Variants in DDIAS observed in about 807,000 individuals in gnomAD.
DDIAS encodes DNA damage-induced apoptosis suppressor protein.
In DDIAS, 14 loss-of-function variants were observed where a neutral mutation model predicts 15.7. The ratio of observed to expected loss-of-function variants is 0.89; its 90% CI spans 0.59 to 1.39. The LOEUF is 1.39. Ranked by LOEUF, DDIAS falls within the 40% of genes most tolerant of loss-of-function variation. The pLI is 0.00. For missense variants in DDIAS, 1,035 were observed against 1,130.9 expected, an observed-to-expected ratio of 0.92 and a Z score of 1.22; for synonymous variants, 355 against 395.9, an observed-to-expected ratio of 0.90 and a Z score of 1.23.
rs71063242 is a variant in DDIAS, at chr11:82,926,088, AT to A, written c.114-2672del. 3.8e-3 allele frequency among the ~76,000 whole-genome samples: 504 copies of A among 133,910 alleles called. 5 individuals are homozygous for A. Among genetic ancestry groups the A allele is most frequent in the South Asian group, 0.032 (140 of 4,348 alleles). 87.9% of individuals were successfully genotyped at this position (133,910 alleles called of 152,430 possible). A position where few individuals can be genotyped will look rare whatever the true frequency, so the allele number is the denominator to read the frequency against. On this transcript the variant is annotated intron_variant, in intron 3 of 5. Transcript: ENST00000533655. ...GAATATATTCAATCTTTGGCAAGTA[AT>A]TTTTTTTTTTTTTTTTGAGACAGGG...
Position 82,933,184 on chromosome 11 carries a change from A to C in DDIAS, c.1846A>C (p.Arg616=), listed in dbSNP as rs771787322. Residue 616 remains arginine (R), a synonymous_variant, in exon 6 of 6, where the codon AGG becomes CGG. Coordinates refer to ENST00000533655, the MANE Select transcript of DDIAS (RefSeq NM_145018.4). ...CAAATTAGAAAATAAACAATATTGT[A>C]GGTGGTCCAAGAACCAAGATGACAG... ...LCKLENKQYC[R]WSKNQDDSFT... is the part of the protein sequence containing the mutation. 1.2e-6 allele frequency: 2 copies of C among 1,612,502 alleles called. No homozygotes were observed. The highest frequency in any genetic ancestry group is 1.7e-6 in the Non-Finnish European group (2 of 1,179,858).
intron 5 of DDIAS, among the ~76,000 whole-genome samples, chr11:82,930,993 C>T (rs1860972389): frequency 6.6e-6 from 1 of 152,014 alleles, no homozygotes; most frequent in African/African-American, 2.4e-5. Context: ...TTTTTCCCCT[C>T]CCCTCCCCTC....
At chr11:82,917,060 G>A (rs952502525) in intron 3 of DDIAS, among the ~76,000 whole-genome samples, 2 of 152,164 alleles carry the variant, frequency 1.3e-5, no homozygotes, top group African/African-American at 4.8e-5. Flanking sequence ...CTTGCCTATG[G>A]AAACATAGTC....
chr11:82,923,052 G>A (rs1200409108), intron 3 of DDIAS, among the ~76,000 whole-genome samples: 1 of 152,128 alleles, frequency 6.6e-6, no homozygotes, highest in Non-Finnish European at 1.5e-5. Flanking sequence ...TCGTTTATGG[G>A]TGTCTCGGCC....
intron 4 of DDIAS, 43 bp downstream of exon 4, chr11:82,928,981 A>G: frequency 6.4e-7 from 1 of 1,573,008 alleles, no homozygotes; most frequent in South Asian, 1.2e-5. Flanking sequence ...TGCCCTTAGA[A>G]TTTGAAGATA....
chr11:82,926,731 A>T (rs11233379), intron 3 of DDIAS, among the ~76,000 whole-genome samples: 1 of 152,300 alleles, frequency 6.6e-6, no homozygotes, highest in Middle Eastern at 3.4e-3. Context: ...GATGATTTGT[A>T]TACATATTAA....
At chr11:82,911,936 G>A (rs546704439) in intron 1 of DDIAS, among the ~76,000 whole-genome samples, 16 of 152,316 alleles carry the variant, frequency 1.1e-4, no homozygotes, top group East Asian at 3.9e-4. Flanking sequence ...GACCAGGTGC[G>A]TTGTCAATGA....
rs1032861701 is a variant in DDIAS at position 82,907,481 on chromosome 11, C to T, written c.-117+5659C>T. On this transcript the variant is annotated intron_variant, in intron 1 of 5. Coordinates refer to ENST00000533655, the MANE Select transcript of DDIAS (RefSeq NM_145018.4). ...GAAGAAAATTCTGGTTATCGTATGG[C>T]GTCTGCCTACTCTGTTGTAAAAATT... Among the ~76,000 whole-genome samples, 18 of 152,296 alleles carry T rather than the reference C, an allele frequency of 1.2e-4. No homozygotes were observed. The South Asian group carries it at 2.7e-3, about 23-fold the overall frequency.
intron 3 of DDIAS, among the ~76,000 whole-genome samples, chr11:82,915,706 G>A (rs549605467): frequency 6.6e-6 from 1 of 151,074 alleles, no homozygotes; most frequent in South Asian, 2.1e-4. Context: ...TTAGTTCATA[G>A]AAAGTGTTCA....
At chr11:82,909,229 TAA>T (rs1860481758) in intron 1 of DDIAS, 1 of 152,208 alleles carries the variant, frequency 6.6e-6, no homozygotes, top group Non-Finnish European at 1.5e-5. Flanking sequence ...CCATATAGGG[TAA>T]CTTCCTGACG....
At position 82,932,603 on chromosome 11, in the gene DDIAS, T is replaced by C. The variant is rs368153592; in HGVS notation, c.1265T>C (p.Leu422Pro). The C allele has an allele frequency of 1.9e-6, 3 of 1,614,076 alleles. No homozygotes were observed. Among genetic ancestry groups the C allele is most frequent in the African/African-American group, 2.7e-5 (2 of 74,924 alleles). ...IWDDLPFSESLNKFLAVLESE... is the reference protein window; with the variant it reads ...IWDDLPFSESPNKFLAVLESE... The stretch of plus-strand genomic sequence containing the variant: ...GATGATCTGCCATTCTCTGAAAGCC[T>C]GAACAAGTTTCTGGCAGTTCTTGAA... The change falls in exon 6 of 6, where the codon CTG (leucine) becomes CCG (proline). Residue 422 changes from leucine (L) to proline (P), a missense_variant. Coordinates refer to ENST00000533655, the MANE Select transcript of DDIAS (RefSeq NM_145018.4).
rs1415985409 is a variant in DDIAS, at chr11:82,933,308, T to C, written c.1970T>C (p.Ile657Thr). The C allele has an allele frequency of 6.2e-7, 1 of 1,614,004 alleles. No individual in the cohort carries two copies. Among genetic ancestry groups the C allele is most frequent in the Non-Finnish European group, 8.5e-7 (1 of 1,179,950 alleles). ...TTGAAAGAAATGCCTTGGGGACATA[T>C]CAATAACAACGTAACACAGAGCTAT... Reference protein sequence around the residue: ...NTLKEMPWGHINNNVTQSYSI... With the variant: ...NTLKEMPWGHTNNNVTQSYSI... The change falls in exon 6 of 6, where the codon ATC becomes ACC. Residue 657 changes from isoleucine to threonine, a missense_variant. Transcript: ENST00000533655.
chr11:82,922,249 C>T (rs1860770158), intron 3 of DDIAS, among the ~76,000 whole-genome samples: 1 of 152,090 alleles, frequency 6.6e-6, no homozygotes, highest in African/African-American at 2.4e-5. Flanking sequence ...TATTTAGATG[C>T]CTAGGTCTCT....
chr11:82,934,515 T>C lies in DDIAS; in HGVS notation c.*180T>C, dbSNP rs1445673330. ...AGCCATTGTTTTCCCCAGGGTTTTA[T>C]CTAGAATACTATGATTAGGTAGTTG... On this transcript the variant is annotated 3_prime_UTR_variant, in exon 6 of 6. Transcript: ENST00000533655. 2 of 556,812 alleles carry C rather than the reference T, an allele frequency of 3.6e-6. No homozygotes were observed. The highest frequency in any genetic ancestry group is 1.9e-5 in the African/African-American group (1 of 52,402). 34.5% of individuals were successfully genotyped at this position (556,812 alleles called of 1,614,324 possible).
intron 1 of DDIAS, among the ~76,000 whole-genome samples, chr11:82,912,298 T>A (rs1860543106): frequency 6.6e-6 from 1 of 152,218 alleles, no homozygotes; most frequent in African/African-American, 2.4e-5. Context: ...TAAAATCTGT[T>A]GTTTAGTGTA....
At chr11:82,914,538 T>A (rs761814761) in intron 2 of DDIAS, among the ~76,000 whole-genome samples, 185 bp from the exon 3 acceptor site, 38 of 152,358 alleles carry the variant, frequency 2.5e-4, no homozygotes, top group South Asian at 4.1e-4. Flanking sequence ...GTGATTTTCT[T>A]CCTATTAATA....
At chr11:82,902,818 A>G (rs551880964) in intron 1 of DDIAS, among the ~76,000 whole-genome samples, 6 of 152,342 alleles carry the variant, frequency 3.9e-5, no homozygotes, top group Non-Finnish European at 7.3e-5. Flanking sequence ...TTCTGCAGAT[A>G]GTTAAATGCT....
At chr11:82,922,937 A>T (rs1458145942) in intron 3 of DDIAS, among the ~76,000 whole-genome samples, 3 of 152,104 alleles carry the variant, frequency 2.0e-5, no homozygotes, top group Non-Finnish European at 4.4e-5. Flanking sequence ...CTATGAGCCG[A>T]GCTGCAGTGA....
chr11:82,932,851 C>G lies in DDIAS; in HGVS notation c.1513C>G (p.Pro505Ala). Residue 505 changes from proline to alanine, a missense_variant, in exon 6 of 6, where the codon CCT becomes GCT. Pro to Ala is a conservative substitution (Grantham distance 27). Coordinates refer to ENST00000533655, the MANE Select transcript of DDIAS (RefSeq NM_145018.4). ...TTTCAACTGTAAAGGAAATCTAAGT[C>G]CTAGTGTTGAAAAGGAGTCACAACC... ...FLFNCKGNLSPSVEKESQPDN... is the reference protein window; with the variant it reads ...FLFNCKGNLSASVEKESQPDN... The G allele has an allele frequency of 6.2e-7, 1 of 1,613,336 alleles. No individual in the cohort carries two copies. Among genetic ancestry groups the G allele is most frequent in the African/African-American group, 1.3e-5 (1 of 75,018 alleles).
Sources: allele counts gnomAD v4.1 joint callset (sites outside exome capture counted in the v4.1 genomes callset), GRCh38; gene constraint gnomAD v4.1.1; transcripts MANE v1.5; gene names NCBI Gene and HGNC (gene_info 2026-07-23, HGNC 2026-07-21).